The following ADGRE3 variants were observed in gnomAD, a reference collection of about 807,000 sequenced individuals.
The protein encoded by ADGRE3 is EGF-like module receptor 3.
In ADGRE3, 88 loss-of-function variants were observed where a neutral mutation model predicts 80.1. That is an observed-to-expected ratio of 1.10 (90% CI 0.93 to 1.31). The LOEUF (loss-of-function observed/expected upper bound fraction) is 1.31, where lower values mean the gene tolerates loss of function less well. Among genes scored for constraint, ADGRE3 ranks in the 40% most tolerant of loss-of-function variants. The pLI is 0.00. For synonymous variants in ADGRE3, 281 were observed against 294.8 expected (o/e 0.95, Z 0.48); for missense variants, 715 against 776.5 (o/e 0.92, Z 0.94).
the ADGRE3 span, among the ~76,000 whole-genome samples, chr19:14,604,580 T>G: frequency 3.3e-5 from 5 of 152,014 alleles, no homozygotes; most frequent in Non-Finnish European, 7.4e-5. Context: ...CTGGCCAACA[T>G]GGTGAAACCC....
intron 6 of ADGRE3, among the ~76,000 whole-genome samples, chr19:14,651,738 T>C (rs62124055): frequency 0.34 from 51,268 of 151,900 alleles, 9,082 homozygotes; most frequent in African/African-American, 0.45. Flanking sequence ...AAGAGGTGAT[T>C]GATTAAATAA....
chr19:14,624,077 C>T (rs557802965), intron 15 of ADGRE3, among the ~76,000 whole-genome samples: 11 of 150,856 alleles, frequency 7.3e-5, no homozygotes, highest in East Asian at 1.9e-4. Context: ...AGGACTACAA[C>T]GCCACCACAC....
chr19:14,624,992 G>GT (rs941411203), intron 15 of ADGRE3, among the ~76,000 whole-genome samples: 2 of 151,726 alleles, frequency 1.3e-5, no homozygotes, highest in African/African-American at 4.8e-5. Flanking sequence ...TTGTTTGTTT[G>GT]TTTTTTAGAC....
Position 14,654,109 on chromosome 19 carries a change from C to T in ADGRE3, c.577+873G>A, listed in dbSNP as rs563929138. ...CTGGGATTACAGTCATGAGCTACCACGCCCCGCTAATTTCTGTATTTTTAG... is the reference window on the plus strand; with the variant it reads ...CTGGGATTACAGTCATGAGCTACCATGCCCCGCTAATTTCTGTATTTTTAG... On this transcript the variant is annotated intron_variant, in intron 6 of 15. Coordinates refer to ENST00000253673, the MANE Select transcript of ADGRE3 (RefSeq NM_032571.5). Among the ~76,000 whole-genome samples, 10 of 150,046 alleles carry T rather than the reference C, an allele frequency of 6.7e-5. No individual in the cohort carries two copies. In the East Asian group the frequency reaches 1.4e-3, roughly 20 times the overall value.
rs1028675373 is a variant in ADGRE3, at chr19:14,651,202, T to C, written c.580A>G (p.Ile194Val). The change falls in exon 7 of 16, where the codon ATT becomes GTT. Residue 194 changes from isoleucine (I) to valine (V), a missense_variant and splice_region_variant. Ile to Val is a conservative substitution (Grantham distance 29). Coordinates refer to ENST00000253673, the MANE Select transcript of ADGRE3 (RefSeq NM_032571.5). Reference sequence around the variant, plus strand: ...TTGTCTGTAATCGCTTGAGTTTCAATAGCTGGTAAGAAAAGCAATGGGCAG... The same window carrying C: ...TTGTCTGTAATCGCTTGAGTTTCAACAGCTGGTAAGAAAAGCAATGGGCAG... Reference protein sequence around the residue: ...VLKIQNDSVAIETQAITDNCS... With the variant: ...VLKIQNDSVAVETQAITDNCS... The C allele has an allele frequency of 6.2e-7, 1 of 1,614,072 alleles. No individual in the cohort carries two copies. The highest frequency in any genetic ancestry group is 1.1e-5 in the South Asian group (1 of 91,088).
chr19:14,644,278 G>T lies in ADGRE3; in HGVS notation c.883-3C>A. 1 of 1,484,444 alleles carries T rather than the reference G, an allele frequency of 6.7e-7. No homozygotes were observed. The highest frequency in any genetic ancestry group is 1.3e-5 in the South Asian group (1 of 75,904). The allele number at this position is 1,484,444 out of a possible 1,614,324, so 92.0% of individuals were successfully genotyped here. On this transcript the variant is annotated splice_polypyrimidine_tract_variant and splice_region_variant and intron_variant, in intron 8 of 15. Coordinates refer to ENST00000253673, the MANE Select transcript of ADGRE3 (RefSeq NM_032571.5). ...ACCTTTTTGGTACTGGGGGTCATCT[G>T]AAAATAGAAAATAGAAAGGGCTCAT...
rs1189295641 is a variant in ADGRE3 at position 14,620,568 on chromosome 19, ATTTTTTTTTTTTTTTT to A, written c.1921-1113_1921-1098del. Reference sequence around the variant, plus strand: ...ATATATTATATATATATATATATATATTTTTTTTTTTTTTTTTTTTTTTTTTTTTGAGACAGGGTTT... The same window carrying A: ...ATATATTATATATATATATATATATATTTTTTTTTTTTTGAGACAGGGTTT... On this transcript the variant is annotated intron_variant, in intron 15 of 15. Transcript: ENST00000253673. Among the ~76,000 whole-genome samples the A allele has an allele frequency of 1.4e-3, 16 of 11,052 alleles. 1 individual carries two copies. The East Asian group carries it at 0.015, about 10-fold the overall frequency. 7.3% of individuals were successfully genotyped at this position (11,052 alleles called of 152,430 possible). A position where few individuals can be genotyped will look rare whatever the true frequency, so the allele number is the denominator to read the frequency against.
At chr19:14,602,316 G>A in the ADGRE3 span, among the ~76,000 whole-genome samples, 1 of 152,004 alleles carries the variant, frequency 6.6e-6, no homozygotes, top group Non-Finnish European at 1.5e-5. Flanking sequence ...TGGAGACAGG[G>A]TCTCACTTTG....
chr19:14,647,361 G>A lies in ADGRE3; in HGVS notation c.702C>T (p.Pro234=), dbSNP rs1449742224. ...SDIIQGDTQG[P]SAIAFISYSS... is the part of the protein sequence containing the mutation. ...AATATGAGATAAAGGCAATGGCACT[G>A]GGACCTGAGGAAACAGAAAGATGGA... The change falls in exon 8 of 16, where the codon CCC becomes CCT. Residue 234 remains proline, a synonymous_variant. Transcript: ENST00000253673. 6.4e-7 allele frequency: 1 copy of A among 1,570,924 alleles called. No homozygotes were observed. The highest frequency in any genetic ancestry group is 1.2e-5 in the South Asian group (1 of 86,538).
At chr19:14,653,625 T>C (rs1437203900) in intron 6 of ADGRE3, among the ~76,000 whole-genome samples, 1 of 152,064 alleles carries the variant, frequency 6.6e-6, no homozygotes, top group Non-Finnish European at 1.5e-5. Flanking sequence ...CAGGCTGGAG[T>C]GCAGTGGTGC....
intron 14 of ADGRE3, among the ~76,000 whole-genome samples, chr19:14,626,932 T>C (rs1599605168): frequency 6.6e-6 from 1 of 152,176 alleles, no homozygotes; most frequent in East Asian, 1.9e-4. Flanking sequence ...GCCAGGCGTG[T>C]CCTGTGGGCA....
At chr19:14,601,364 C>T in the ADGRE3 span, among the ~76,000 whole-genome samples, 1 of 152,188 alleles carries the variant, frequency 6.6e-6, no homozygotes, top group Admixed American at 6.6e-5. Flanking sequence ...AAATAAGTCT[C>T]ACCTCCGTGC....
At chr19:14,630,346 T>G (rs1030451673) in intron 13 of ADGRE3, 139 bp from the exon 14 acceptor site, 22 of 520,060 alleles carry the variant, frequency 4.2e-5, no homozygotes, top group African/African-American at 3.7e-4. Flanking sequence ...GCTACCTGTG[T>G]GATCTTGTGA....
rs559036623 is a variant in ADGRE3 at position 14,658,586 on chromosome 19, C to G, written c.356-36G>C. On this transcript the variant is annotated intron_variant, in intron 4 of 15. Transcript: ENST00000253673. ...CATCATGATGGAGTTACTATTGGAACTGAGAGTGACCAGGCAGAGGGGTGG... is the reference window on the plus strand; with the variant it reads ...CATCATGATGGAGTTACTATTGGAAGTGAGAGTGACCAGGCAGAGGGGTGG... The G allele has an allele frequency of 2.0e-6, 3 of 1,510,126 alleles. No homozygotes were observed. In the African/African-American group the frequency reaches 4.3e-5, roughly 21 times the overall value. The allele number at this position is 1,510,126 out of a possible 1,614,324, so 93.5% of individuals were successfully genotyped here.
intron 14 of ADGRE3, among the ~76,000 whole-genome samples, chr19:14,627,642 G>A (rs1970771101): frequency 6.6e-6 from 1 of 151,782 alleles, no homozygotes; most frequent in Admixed American, 6.6e-5. Flanking sequence ...GCCTCCCAAA[G>A]TGCTGGGATT....
At position 14,620,566 on chromosome 19, in the gene ADGRE3, ATATTTTTTTT is replaced by A. The variant is rs1970569599; in HGVS notation, c.1921-1105_1921-1096del. Among the ~76,000 whole-genome samples, 2 of 16,052 alleles carry A rather than the reference ATATTTTTTTT, an allele frequency of 1.2e-4. 1 individual carries two copies. Among genetic ancestry groups the A allele is most frequent in the African/African-American group, 4.9e-4 (2 of 4,054 alleles). The allele number at this position is 16,052 out of a possible 152,430, so 10.5% of individuals were successfully genotyped here. On this transcript the variant is annotated intron_variant, in intron 15 of 15. Coordinates refer to ENST00000253673, the MANE Select transcript of ADGRE3 (RefSeq NM_032571.5). ...ATATATATTATATATATATATATAT[ATATTTTTTTT>A]TTTTTTTTTTTTTTTTTTTTTGAGA...
At chr19:14,620,446 A>ATGTATATATGAATATATATGTATATTCC (rs1970518124) in intron 15 of ADGRE3, among the ~76,000 whole-genome samples, 5 of 129,440 alleles carry the variant, frequency 3.9e-5, no homozygotes, top group Non-Finnish European at 8.3e-5. Flanking sequence ...ATGTATATTC[A>ATGTATATATGAATATATATGTATATTCC]TGTATATATG....
At chr19:14,663,097 G>A (rs1027660050) in intron 3 of ADGRE3, among the ~76,000 whole-genome samples, 20 of 151,860 alleles carry the variant, frequency 1.3e-4, no homozygotes, top group African/African-American at 4.8e-4. Context: ...CTGCCTCCCA[G>A]GTTCAAGCTA....
At chr19:14,632,826 C>A in intron 13 of ADGRE3, 95 bp downstream of exon 13, 1 of 776,172 alleles carries the variant, frequency 1.3e-6, no homozygotes, top group Non-Finnish European at 2.2e-6. Context: ...CTTGCTAGTC[C>A]TGGGAGCATG....
Sources: gnomAD v4.1 joint callset for allele counts (sites outside exome capture counted in the v4.1 genomes callset) on GRCh38, gnomAD v4.1.1 for gene constraint, MANE v1.5 for transcripts, NCBI Gene and HGNC (gene_info 2026-07-23, HGNC 2026-07-21) for gene names.